Variants in PCLO observed in about 807,000 individuals in gnomAD.
The protein encoded by PCLO is protein piccolo.
Under a neutral mutation model 427.5 loss-of-function variants are expected in PCLO, and 82 were observed. The observed-to-expected ratio is 0.19, with a 90% CI of 0.16 to 0.23. PCLO has a LOEUF of 0.23. Among genes scored for constraint, PCLO ranks in the 10% least tolerant of loss-of-function variants. The pLI is 1.00. For missense variants in PCLO, 6,239 were observed against 6,115.9 expected (o/e 1.02, Z -0.67); for synonymous variants, 2,357 against 2,155.4 (o/e 1.09, Z -2.59).
In PCLO at chr7:82,954,015, A is replaced by G; in HGVS notation, c.6938T>C (p.Ile2313Thr). Residue 2313 changes from isoleucine to threonine, a missense_variant, in exon 5 of 25, where the codon ATT becomes ACT. Coordinates refer to ENST00000333891, the MANE Select transcript of PCLO (RefSeq NM_033026.6). ...TCTGTAAGCTTCCAAAACTTCCAGA[A>G]TGATTCCATTCCCAGTTTCCTTCTT... is the stretch of plus-strand genomic sequence containing the variant. Reference protein sequence around the residue: ...KAKKETGNGIILEVLEAYRDK... With the variant: ...KAKKETGNGITLEVLEAYRDK... 1.2e-6 allele frequency: 2 copies of G among 1,613,934 alleles called. No homozygotes were observed. Among genetic ancestry groups the G allele is most frequent in the Non-Finnish European group, 1.7e-6 (2 of 1,179,854 alleles).
chr7:82,919,856 T>A (rs58852992), intron 6 of PCLO, among the ~76,000 whole-genome samples: 2 of 151,990 alleles, frequency 1.3e-5, no homozygotes, highest in East Asian at 3.9e-4. Flanking sequence ...TAGACAGATA[T>A]TTATTAAATG....
At chr7:83,154,041 C>A (rs1792204746) in intron 2 of PCLO, among the ~76,000 whole-genome samples, 1 of 152,150 alleles carries the variant, frequency 6.6e-6, no homozygotes, top group African/African-American at 2.4e-5. Context: ...AACTTGTACT[C>A]ATCTATATCA....
chr7:82,792,099 CA>C (rs1448473547), intron 22 of PCLO, among the ~76,000 whole-genome samples: 2 of 152,100 alleles, frequency 1.3e-5, no homozygotes, highest in East Asian at 3.9e-4. Context: ...CTCTATTCAA[CA>C]ATGAAGCTAT....
chr7:82,866,197 T>C (rs1793088166), intron 10 of PCLO, among the ~76,000 whole-genome samples: 1 of 152,138 alleles, frequency 6.6e-6, no homozygotes, highest in South Asian at 2.1e-4. Flanking sequence ...GTGGCTTTAC[T>C]GAATTTTTGC....
intron 22 of PCLO, among the ~76,000 whole-genome samples, chr7:82,770,580 A>G (rs1790627476): frequency 6.6e-6 from 1 of 151,954 alleles, no homozygotes; most frequent in African/African-American, 2.4e-5. Context: ...CACTTTGCTG[A>G]ATCTATTAGA....
chr7:83,038,019 ATATATATATATTTATATATT>A lies in PCLO; in HGVS notation c.3301-71552_3301-71533del, dbSNP rs1562932874. On this transcript the variant is annotated intron_variant, in intron 3 of 24. Coordinates refer to ENST00000333891, the MANE Select transcript of PCLO (RefSeq NM_033026.6). ...TATATATATATATATATATATATATATATATATATATTTATATATTTATATATATATCTTTATATATATAT... is the reference window on the plus strand; with the variant it reads ...TATATATATATATATATATATATATATATATATATATCTTTATATATATAT... Among the ~76,000 whole-genome samples the A allele has an allele frequency of 6.0e-4, 28 of 47,048 alleles. 3 individuals carry two copies. Among genetic ancestry groups the A allele is most frequent in the African/African-American group, 3.7e-3 (28 of 7,662 alleles). 30.9% of individuals were successfully genotyped at this position (47,048 alleles called of 152,430 possible). A position where few individuals can be genotyped will look rare whatever the true frequency, so the allele number is the denominator to read the frequency against.
At chr7:83,057,350 T>TATATATA (rs1789422346) in intron 3 of PCLO, among the ~76,000 whole-genome samples, 1 of 26,528 alleles carries the variant, frequency 3.8e-5, no homozygotes, top group Non-Finnish European at 6.9e-5. Flanking sequence ...ATATATATAT[T>TATATATA]TTTTTTTTTT....
In PCLO at chr7:82,915,828, C is replaced by A. The variant is rs749559957; in HGVS notation, c.12158G>T (p.Gly4053Val). 4 of 1,613,376 alleles carry A rather than the reference C, an allele frequency of 2.5e-6. No individual in the cohort carries two copies. The South Asian group carries it at 4.4e-5, about 18-fold the overall frequency. ...TGCCGCTGTTCCTTTGGTGATCTCT[C>A]CAATGTCGTCAATTAGGACATAATT... ...PRNYVLIDDI[G>V]EITKGTAALS... The change falls in exon 7 of 25, where the codon GGA (glycine) becomes GTA (valine). Residue 4053 changes from glycine (G) to valine (V), a missense_variant. Transcript: ENST00000333891.
chr7:83,114,320 T>C (rs2116535502), intron 3 of PCLO, among the ~76,000 whole-genome samples: 1 of 152,082 alleles, frequency 6.6e-6, no homozygotes, highest in East Asian at 1.9e-4. Context: ...TTAGGGAACA[T>C]GATGTGGGGT....
At chr7:82,967,197 CTTTTTTT>C (rs766172385) in intron 3 of PCLO, among the ~76,000 whole-genome samples, 41 of 133,196 alleles carry the variant, frequency 3.1e-4, no homozygotes, top group Admixed American at 1.0e-3. Flanking sequence ...TTCTTCTTTT[CTTTTTTT>C]TTTTTTTTTT....
intron 3 of PCLO, among the ~76,000 whole-genome samples, chr7:83,044,110 G>A (rs778157166): frequency 8.7e-5 from 13 of 149,858 alleles, no homozygotes; most frequent in African/African-American, 2.5e-4. Flanking sequence ...TGAAGGAGAA[G>A]CAGGGCACAC....
chr7:82,808,611 GAA>G (rs1791505639), intron 20 of PCLO, among the ~76,000 whole-genome samples: 1 of 151,618 alleles, frequency 6.6e-6, no homozygotes, highest in Admixed American at 6.6e-5. Flanking sequence ...CATTTTATAA[GAA>G]ATATTAAAAA....
chr7:83,083,369 C>G (rs1037188033), intron 3 of PCLO, among the ~76,000 whole-genome samples: 1 of 151,838 alleles, frequency 6.6e-6, no homozygotes, highest in Non-Finnish European at 1.5e-5. Context: ...ACAGTATACA[C>G]AAAAAGTGAG....
chr7:82,990,191 T>C (rs41564), intron 3 of PCLO, among the ~76,000 whole-genome samples: 112,314 of 151,510 alleles, frequency 0.74, 42,015 homozygotes, highest in East Asian at 0.92. Flanking sequence ...TGTGTAGGTA[T>C]ACAAGACTAT....
At chr7:83,124,442 T>G (rs1791373656) in intron 3 of PCLO, among the ~76,000 whole-genome samples, 1 of 150,876 alleles carries the variant, frequency 6.6e-6, no homozygotes, top group Non-Finnish European at 1.5e-5. Context: ...ATCAGAGAAA[T>G]GCAAGTCAAA....
intron 3 of PCLO, among the ~76,000 whole-genome samples, chr7:83,091,772 T>C (rs578082834): frequency 1.3e-5 from 2 of 152,308 alleles, no homozygotes; most frequent in African/African-American, 4.8e-5. Flanking sequence ...GTTTTATCCA[T>C]ACTAGTAAGC....
chr7:83,070,139 A>T (rs1383549823), intron 3 of PCLO, among the ~76,000 whole-genome samples: 1 of 152,034 alleles, frequency 6.6e-6, no homozygotes, highest in Non-Finnish European at 1.5e-5. Context: ...TCTCTCTGGG[A>T]AAAGCCATAT....
chr7:83,136,239 T>G lies in PCLO; in HGVS notation c.1894-583A>C, dbSNP rs181728622. On this transcript the variant is annotated intron_variant, in intron 2 of 24. Transcript: ENST00000333891. ...TCTTTGCCTTTGATTTACTTAAATTTTGATTATCCCCAGAAATAGAAAACC... is the reference window on the plus strand; with the variant it reads ...TCTTTGCCTTTGATTTACTTAAATTGTGATTATCCCCAGAAATAGAAAACC... Among the ~76,000 whole-genome samples the G allele has an allele frequency of 3.6e-3, 544 of 152,294 alleles. 6 individuals carry two copies. Among genetic ancestry groups the G allele is most frequent in the South Asian group, 0.028 (134 of 4,826 alleles).
intron 10 of PCLO, among the ~76,000 whole-genome samples, chr7:82,874,547 T>C (rs538246055): frequency 2.6e-5 from 4 of 152,306 alleles, no homozygotes; most frequent in East Asian, 1.9e-4. Context: ...CATATGCAGA[T>C]AGTTATTTTT....
Sources: allele counts gnomAD v4.1 joint callset (sites outside exome capture counted in the v4.1 genomes callset), GRCh38; gene constraint gnomAD v4.1.1; transcripts MANE v1.5; gene names NCBI Gene and HGNC (gene_info 2026-07-23, HGNC 2026-07-21).